EPHA6: variants seen among roughly 807,000 people sequenced by gnomAD.
The protein encoded by EPHA6 is EPH receptor A6, also known as ephrin type-A receptor 6.
In EPHA6, 50 loss-of-function variants were observed where a neutral mutation model predicts 112.0. The ratio of observed to expected loss-of-function variants is 0.45; its 90% CI spans 0.36 to 0.56. The LOEUF (loss-of-function observed/expected upper bound fraction) is 0.56. Among genes scored for constraint, EPHA6 ranks in the 20% least tolerant of loss-of-function variants. EPHA6 has a pLI of 0.00. For synonymous variants in EPHA6, 529 were observed against 490.7 expected (o/e 1.08, Z -1.03); for missense variants, 1,280 against 1,417.4 (o/e 0.90, Z 1.56).
At chr3:97,728,789 A>T (rs2107823336) in intron 15 of EPHA6, among the ~76,000 whole-genome samples, 1 of 152,280 alleles carries the variant, frequency 6.6e-6, no homozygotes, top group South Asian at 2.1e-4. Flanking sequence ...CTCCTTCTCT[A>T]ATGTTGTTTC....
At chr3:97,713,834 TC>T (rs1238517456) in intron 14 of EPHA6, among the ~76,000 whole-genome samples, 1 of 152,212 alleles carries the variant, frequency 6.6e-6, no homozygotes, top group East Asian at 1.9e-4. Context: ...CTGCCAGCAC[TC>T]AACCATAAAT....
At chr3:97,319,234 G>A (rs910034342) in intron 5 of EPHA6, among the ~76,000 whole-genome samples, 1 of 151,154 alleles carries the variant, frequency 6.6e-6, no homozygotes, top group Admixed American at 6.6e-5. Context: ...TAAAATTTTA[G>A]TTCAATGGTA....
intron 10 of EPHA6, among the ~76,000 whole-genome samples, chr3:97,504,908 T>G (rs1297177318): frequency 1.1e-4 from 16 of 152,340 alleles, no homozygotes; most frequent in Admixed American, 9.2e-4. Context: ...TGAACAAATC[T>G]GTTTGTAAAA....
At chr3:97,132,095 C>G (rs1055094468) in intron 3 of EPHA6, among the ~76,000 whole-genome samples, 1 of 152,040 alleles carries the variant, frequency 6.6e-6, no homozygotes, top group Non-Finnish European at 1.5e-5. Context: ...GAAGCCAGCC[C>G]TCAAGTTAGT....
At chr3:97,295,656 G>C (rs1255867716) in intron 5 of EPHA6, among the ~76,000 whole-genome samples, 1 of 150,312 alleles carries the variant, frequency 6.7e-6, no homozygotes, top group East Asian at 2.0e-4. Flanking sequence ...CTGTGCATTG[G>C]TGCAACAGTC....
chr3:96,937,025 T>G (rs1442604225), intron 2 of EPHA6, among the ~76,000 whole-genome samples: 1 of 152,234 alleles, frequency 6.6e-6, no homozygotes, highest in Non-Finnish European at 1.5e-5. Context: ...GATATTTGGC[T>G]TGGTTCCAAG....
intron 2 of EPHA6, among the ~76,000 whole-genome samples, chr3:96,956,504 A>C (rs1380671187): frequency 6.6e-6 from 1 of 152,164 alleles, no homozygotes; most frequent in Admixed American, 6.5e-5. Flanking sequence ...ATTACATCTA[A>C]TTAAAGGTTA....
At chr3:97,447,809 C>A (rs2090400733) in intron 6 of EPHA6, 1 of 1,014,824 alleles carries the variant, frequency 9.9e-7, no homozygotes, top group South Asian at 4.6e-5. Context: ...AAGCCTCAAG[C>A]CCTGCCTCTG....
intron 2 of EPHA6, among the ~76,000 whole-genome samples, chr3:96,938,606 T>C (rs28796905): frequency 1.3e-5 from 2 of 151,848 alleles, no homozygotes. Flanking sequence ...TTATTTCCTT[T>C]TCCTGCCTAA....
intron 2 of EPHA6, among the ~76,000 whole-genome samples, chr3:96,868,124 A>G (rs1012360607): frequency 3.3e-5 from 5 of 151,316 alleles, no homozygotes; most frequent in Non-Finnish European, 5.9e-5. Context: ...TTAAGAAATG[A>G]ATGAAACTTT....
intron 3 of EPHA6, among the ~76,000 whole-genome samples, chr3:97,084,100 G>GTGTGTGT (rs2046812699): frequency 2.7e-5 from 2 of 74,360 alleles, no homozygotes; most frequent in African/African-American, 1.6e-4. Flanking sequence ...GTGTGTGCAT[G>GTGTGTGT]GATATATATA....
chr3:96,888,055 C>T (rs761400636), intron 2 of EPHA6, among the ~76,000 whole-genome samples: 8 of 152,152 alleles, frequency 5.3e-5, no homozygotes, highest in Admixed American at 3.3e-4. Context: ...ACTCTTCCCC[C>T]ACCTGTGGAG....
chr3:97,302,326 T>G (rs1467703666), intron 5 of EPHA6, among the ~76,000 whole-genome samples: 1 of 151,918 alleles, frequency 6.6e-6, no homozygotes, highest in Non-Finnish European at 1.5e-5. Flanking sequence ...AGTAGGAAAA[T>G]GAACTGCTCT....
chr3:97,220,465 G>T (rs1184939687), intron 3 of EPHA6, among the ~76,000 whole-genome samples: 1 of 152,148 alleles, frequency 6.6e-6, no homozygotes, highest in African/African-American at 2.4e-5. Flanking sequence ...AAAGGAAAGA[G>T]GTTTAATTGA....
chr3:97,445,363 G>A (rs1212187753), intron 6 of EPHA6, among the ~76,000 whole-genome samples: 1 of 152,020 alleles, frequency 6.6e-6, no homozygotes, highest in Non-Finnish European at 1.5e-5. Context: ...TGCCTTTGGA[G>A]GTTCACTTTA....
intron 2 of EPHA6, among the ~76,000 whole-genome samples, chr3:96,918,363 C>T (rs528001979): frequency 2.0e-5 from 3 of 151,878 alleles, no homozygotes; most frequent in African/African-American, 4.8e-5. Flanking sequence ...CTTTTAAAAC[C>T]GTTGCTTTAT....
intron 14 of EPHA6, chr3:97,646,151 A>C: frequency 6.5e-7 from 1 of 1,534,874 alleles, no homozygotes; most frequent in South Asian, 1.2e-5. Flanking sequence ...AGCAATCAGA[A>C]CTGGTTAAAG....
At chr3:96,837,213 T>C (rs1408415605) in intron 1 of EPHA6, among the ~76,000 whole-genome samples, 1 of 152,108 alleles carries the variant, frequency 6.6e-6, no homozygotes, top group Non-Finnish European at 1.5e-5. Flanking sequence ...ACTGAAAAGC[T>C]TAGATGTCAC....
At chr3:97,443,096 A>G (rs542744966) in intron 6 of EPHA6, among the ~76,000 whole-genome samples, 2 of 152,024 alleles carry the variant, frequency 1.3e-5, no homozygotes, top group South Asian at 2.1e-4. Context: ...TAATTCGTTT[A>G]TTTTTGTTTA....
Sources: allele counts gnomAD v4.1 joint callset (sites outside exome capture counted in the v4.1 genomes callset), GRCh38; gene constraint gnomAD v4.1.1; transcripts MANE v1.5; gene names NCBI Gene and HGNC (gene_info 2026-07-23, HGNC 2026-07-21).